LYRM4: variants seen among roughly 807,000 people sequenced by gnomAD.
LYRM4 encodes the protein LYR motif containing 4, also known as LYR motif-containing protein 4.
LYRM4 carries 9 observed loss-of-function variants against 11.7 expected under a neutral mutation model. The ratio of observed to expected loss-of-function variants is 0.77; its 90% CI spans 0.46 to 1.34. The LOEUF (loss-of-function observed/expected upper bound fraction) is 1.34. Among genes scored for constraint, LYRM4 ranks in the 40% most tolerant of loss-of-function variants. The pLI is 0.00. For synonymous variants in LYRM4, 42 were observed against 40.4 expected (o/e 1.04, Z -0.15); for missense variants, 133 against 112.5 (o/e 1.18, Z -0.82).
intron 2 of LYRM4, among the ~76,000 whole-genome samples, chr6:5,210,998 AG>A: frequency 6.6e-6 from 1 of 152,196 alleles, no homozygotes; most frequent in Non-Finnish European, 1.5e-5. Context: ...TCCCTTAGAT[AG>A]GGATTGACTT....
At chr6:5,129,846 G>C (rs1406929931) in intron 2 of LYRM4, among the ~76,000 whole-genome samples, 1 of 152,246 alleles carries the variant, frequency 6.6e-6, no homozygotes, top group African/African-American at 2.4e-5. Context: ...CCACACTGAA[G>C]GGAGGGAGAA....
At chr6:5,140,397 C>A (rs1757340363) in intron 2 of LYRM4, among the ~76,000 whole-genome samples, 1 of 151,932 alleles carries the variant, frequency 6.6e-6, no homozygotes, top group Non-Finnish European at 1.5e-5. Flanking sequence ...TAAAGCTTAA[C>A]TAAAATTTGA....
At chr6:5,193,977 A>C (rs1202842397) in intron 2 of LYRM4, among the ~76,000 whole-genome samples, 1 of 150,834 alleles carries the variant, frequency 6.6e-6, no homozygotes, top group Non-Finnish European at 1.5e-5. Context: ...TGATTGTTAA[A>C]AAGGCACGTT....
intron 2 of LYRM4, among the ~76,000 whole-genome samples, chr6:5,151,507 T>C (rs976854531): frequency 2.6e-5 from 4 of 152,142 alleles, no homozygotes; most frequent in African/African-American, 9.7e-5. Context: ...CACGTGCCAA[T>C]TCCACCCACT....
chr6:5,175,835 A>C (rs1759682418), intron 2 of LYRM4, among the ~76,000 whole-genome samples: 1 of 152,134 alleles, frequency 6.6e-6, no homozygotes. Context: ...CACTGCTCTG[A>C]GGCTACCACG....
chr6:5,077,951 G>A, the LYRM4 span, among the ~76,000 whole-genome samples: 51 of 152,214 alleles, frequency 3.4e-4, no homozygotes, highest in African/African-American at 1.2e-3. Flanking sequence ...TTTATTGCTT[G>A]TATGTTAAGA....
chr6:5,066,408 G>C, the LYRM4 span: 50 of 741,852 alleles, frequency 6.7e-5, no homozygotes, highest in African/African-American at 7.5e-4. Context: ...GAACATTCTA[G>C]TTACTTTTAA....
At chr6:5,180,720 C>T (rs1002083258) in intron 2 of LYRM4, among the ~76,000 whole-genome samples, 4 of 152,194 alleles carry the variant, frequency 2.6e-5, no homozygotes, top group Admixed American at 2.0e-4. Flanking sequence ...ATCACTGCAG[C>T]GATGCTCTCG....
At chr6:5,063,075 C>G in the LYRM4 span, among the ~76,000 whole-genome samples, 1 of 152,176 alleles carries the variant, frequency 6.6e-6, no homozygotes, top group East Asian at 1.9e-4. Context: ...ATCTCTGCAC[C>G]TCCTTCTCAA....
At chr6:5,037,009 ATT>A in the LYRM4 span, among the ~76,000 whole-genome samples, 8 of 28,718 alleles carry the variant, frequency 2.8e-4, 2 homozygotes, top group South Asian at 5.0e-3. Flanking sequence ...TTTAGCTTGT[ATT>A]TTTTTTTTTT....
At chr6:5,253,790 T>C (rs1316621691) in intron 1 of LYRM4, among the ~76,000 whole-genome samples, 1 of 145,486 alleles carries the variant, frequency 6.9e-6, no homozygotes, top group Non-Finnish European at 1.5e-5. Context: ...TGAAGCAAAA[T>C]GCAAATGTGA....
At chr6:5,071,606 ATGTG>A in the LYRM4 span, among the ~76,000 whole-genome samples, 740 of 151,240 alleles carry the variant, frequency 4.9e-3, 6 homozygotes, top group Middle Eastern at 0.028. Flanking sequence ...GTGTGTATGT[ATGTG>A]TGTGTGTATG....
the LYRM4 span, among the ~76,000 whole-genome samples, chr6:5,079,983 A>G: frequency 1.3e-5 from 2 of 152,248 alleles, 1 homozygote; most frequent in South Asian, 4.1e-4. Flanking sequence ...ATGTTTGCAT[A>G]GTGGTATTGA....
At chr6:5,118,096 T>TATATATATATTTTTTTTTTTTTG (rs1554126841) in intron 2 of LYRM4, among the ~76,000 whole-genome samples, 2 of 78,704 alleles carry the variant, frequency 2.5e-5, no homozygotes, top group Admixed American at 1.2e-4. Context: ...ATATATATAT[T>TATATATATATTTTTTTTTTTTTG]TTTGTTTTGT....
In LYRM4 at chr6:5,108,587, A is replaced by T. The variant is rs1762738013; in HGVS notation, c.*836T>A. On this transcript the variant is annotated 3_prime_UTR_variant, in exon 3 of 3. Coordinates refer to ENST00000330636, the MANE Select transcript of LYRM4 (RefSeq NM_020408.6). ...TCTGCAGAGAGGGAAGTGCTGAGAG[A>T]TGTCTTTTTAAAAAGCTCTCCAACT... 2.9e-6 allele frequency: 1 copy of T among 347,036 alleles called. No individual in the cohort carries two copies. Among genetic ancestry groups the T allele is most frequent in the African/African-American group, 2.2e-5 (1 of 44,998 alleles). 21.5% of individuals were successfully genotyped at this position (347,036 alleles called of 1,614,324 possible).
chr6:5,043,721 C>T, the LYRM4 span, among the ~76,000 whole-genome samples: 6 of 152,130 alleles, frequency 3.9e-5, no homozygotes, highest in Non-Finnish European at 4.4e-5. Context: ...CCCAGGGGCG[C>T]ACTTTTCAAA....
At chr6:5,117,219 G>A (rs1026763367) in intron 2 of LYRM4, among the ~76,000 whole-genome samples, 2 of 152,228 alleles carry the variant, frequency 1.3e-5, no homozygotes, top group Non-Finnish European at 2.9e-5. Context: ...CCTGCTAAGC[G>A]TTACTTACAT....
At position 5,183,563 on chromosome 6, in the gene LYRM4, G is replaced by A. The variant is rs531954471; in HGVS notation, c.207+33055C>T. ...ATTTCTGGAGAATAAGCTTACTACT[G>A]AGTAATTCTGCTATGCCTCTACAAT... On this transcript the variant is annotated intron_variant, in intron 2 of 2. Coordinates refer to ENST00000330636, the MANE Select transcript of LYRM4 (RefSeq NM_020408.6). Among the ~76,000 whole-genome samples, 24 of 152,262 alleles carry A rather than the reference G, an allele frequency of 1.6e-4. No individual in the cohort carries two copies. In the South Asian group the frequency reaches 4.1e-3, roughly 26 times the overall value.
At chr6:5,144,671 A>T (rs200866) in intron 2 of LYRM4, among the ~76,000 whole-genome samples, 135,849 of 145,118 alleles carry the variant, frequency 0.94, 63,714 homozygotes, top group African/African-American at 0.98. Flanking sequence ...ACGTCAGGTG[A>T]ATTTTCCAAA....
Sources: allele counts gnomAD v4.1 joint callset (sites outside exome capture counted in the v4.1 genomes callset), GRCh38; gene constraint gnomAD v4.1.1; transcripts MANE v1.5; gene names NCBI Gene and HGNC (gene_info 2026-07-23, HGNC 2026-07-21).